Variants in TACC1 observed in about 807,000 individuals in gnomAD.
TACC1 encodes transforming acidic coiled-coil-containing protein 1.
TACC1 carries 48 observed loss-of-function variants against 84.4 expected under a neutral mutation model. That is an observed-to-expected ratio of 0.57 (90% CI 0.45 to 0.72). The LOEUF (loss-of-function observed/expected upper bound fraction) is 0.72. TACC1 is among the 30% of genes least tolerant of loss of function. The pLI is 0.00. For synonymous variants in TACC1, 372 were observed against 376.3 expected, an observed-to-expected ratio of 0.99 and a Z score of 0.13; for missense variants, 920 against 973.0, an observed-to-expected ratio of 0.95 and a Z score of 0.72.
At chr8:38,823,980 G>T in intron 3 of TACC1, 3 of 1,351,460 alleles carry the variant, frequency 2.2e-6, no homozygotes, top group Non-Finnish European at 2.9e-6. Context: ...TAATTTTGTT[G>T]GTGCATCAGG....
chr8:38,833,879 T>C (rs577860290), intron 6 of TACC1, among the ~76,000 whole-genome samples: 7 of 152,320 alleles, frequency 4.6e-5, no homozygotes, highest in African/African-American at 1.7e-4. Context: ...CCATGAAATG[T>C]TGTTAATTTA....
At chr8:38,735,831 T>G (rs1283744072) in intron 1 of TACC1, among the ~76,000 whole-genome samples, 1 of 152,176 alleles carries the variant, frequency 6.6e-6, no homozygotes, top group Non-Finnish European at 1.5e-5. Context: ...TGGCTTTGTT[T>G]GTTAGCATAA....
At chr8:38,781,631 T>C (rs1816013171) in intron 3 of TACC1, among the ~76,000 whole-genome samples, 1 of 152,172 alleles carries the variant, frequency 6.6e-6, no homozygotes, top group African/African-American at 2.4e-5. Context: ...TCCACCTGCC[T>C]CGGCCTCCCA....
intron 2 of TACC1, among the ~76,000 whole-genome samples, chr8:38,809,773 A>G (rs1183849459): frequency 6.6e-6 from 1 of 152,178 alleles, no homozygotes; most frequent in Non-Finnish European, 1.5e-5. Flanking sequence ...TGGGACCTAC[A>G]GAAGGAGGGG....
rs542967639 is a variant in TACC1, at chr8:38,737,709, G to C, written c.-674-4642G>C. Among the ~76,000 whole-genome samples, 3 of 151,888 alleles carry C rather than the reference G, an allele frequency of 2.0e-5. No homozygotes were observed. The East Asian group carries it at 5.8e-4, about 29-fold the overall frequency. On this transcript the variant is annotated intron_variant, in intron 1 of 14. Transcript: ENST00000518415. ...CTGTCCAGATCCCATCTAGACAATAGAGCTCAGATTGGGAGCCATTCTTTT... is the reference window on the plus strand; with the variant it reads ...CTGTCCAGATCCCATCTAGACAATACAGCTCAGATTGGGAGCCATTCTTTT...
In TACC1 at chr8:38,819,527, CAAG is replaced by C; in HGVS notation, c.287_289del (p.Glu96del). On this transcript the variant is annotated inframe_deletion, in exon 3 of 13. Transcript: ENST00000317827. Reference sequence around the variant, plus strand: ...GTTTTTGTGTTTCATTTTAGAATCACAAGAAGCTGATGAACAGCTTGTAGCAGA... The same window carrying C: ...GTTTTTGTGTTTCATTTTAGAATCACAAGCTGATGAACAGCTTGTAGCAGA... 1.9e-6 allele frequency: 3 copies of C among 1,600,566 alleles called. No individual in the cohort carries two copies. Among genetic ancestry groups the C allele is most frequent in the Non-Finnish European group, 2.6e-6 (3 of 1,171,436 alleles).
At position 38,849,946 on chromosome 8, in the gene TACC1, G is replaced by A. The variant is rs891222371; in HGVS notation, c.*1923G>A. The A allele has an allele frequency of 2.6e-5, 4 of 152,562 alleles. No individual in the cohort carries two copies. Among genetic ancestry groups the A allele is most frequent in the Non-Finnish European group, 4.4e-5 (3 of 67,998 alleles). The allele number at this position is 152,562 out of a possible 1,614,324, so 9.5% of individuals were successfully genotyped here. A position where few individuals can be genotyped will look rare whatever the true frequency, so the allele number is the denominator to read the frequency against. On this transcript the variant is annotated 3_prime_UTR_variant, in exon 13 of 13. Transcript: ENST00000317827. ...GCTAAATAAGTTAATTTTGCATTTT[G>A]CAGAAAGAAACATTGATTGCTAAAT...
upstream of TACC1, among the ~76,000 whole-genome samples, chr8:38,783,401 C>T (rs1361414288): frequency 6.6e-6 from 1 of 151,590 alleles, no homozygotes; most frequent in African/African-American, 2.4e-5. Flanking sequence ...TGTTAATCTT[C>T]CTGGAACTCT....
At chr8:38,833,719 T>G (rs766314003) in intron 6 of TACC1, among the ~76,000 whole-genome samples, 2 of 152,238 alleles carry the variant, frequency 1.3e-5, no homozygotes, top group Non-Finnish European at 2.9e-5. Context: ...TAATGGATGT[T>G]GATGTTTTCC....
intron 2 of TACC1, chr8:38,799,668 A>T (rs1820889161): frequency 6.6e-6 from 1 of 152,238 alleles, no homozygotes; most frequent in Non-Finnish European, 1.5e-5. Context: ...TAACTCTAGG[A>T]TGTTTCATAT....
At chr8:38,837,513 A>G (rs1830464279) in intron 7 of TACC1, among the ~76,000 whole-genome samples, 1 of 152,078 alleles carries the variant, frequency 6.6e-6, no homozygotes, top group African/African-American at 2.4e-5. Flanking sequence ...GCAGCCTCGA[A>G]CTCCTAGGGT....
intron 3 of TACC1, among the ~76,000 whole-genome samples, chr8:38,753,153 G>A (rs903240616): frequency 3.9e-5 from 6 of 152,168 alleles, no homozygotes; most frequent in Non-Finnish European, 7.4e-5. Flanking sequence ...AGGCTGCAGT[G>A]CAGTGGTGTG....
intron 3 of TACC1, among the ~76,000 whole-genome samples, chr8:38,759,484 A>G (rs975531570): frequency 1.3e-5 from 2 of 152,238 alleles, no homozygotes; most frequent in African/African-American, 2.4e-5. Flanking sequence ...AGGGTGTTAA[A>G]TTATCCAGTG....
intron 2 of TACC1, among the ~76,000 whole-genome samples, chr8:38,808,184 T>C (rs541251263): frequency 4.6e-4 from 70 of 152,316 alleles, no homozygotes; most frequent in African/African-American, 1.6e-3. Flanking sequence ...AGCCTTTCAG[T>C]GCCCTGGAAG....
intron 2 of TACC1, among the ~76,000 whole-genome samples, chr8:38,795,386 C>A (rs1262403706): frequency 6.6e-6 from 1 of 152,208 alleles, no homozygotes; most frequent in Non-Finnish European, 1.5e-5. Context: ...TTTGGGCTTA[C>A]CCAAGCATCG....
At chr8:38,795,605 A>T (rs1273025216) in intron 2 of TACC1, among the ~76,000 whole-genome samples, 1 of 152,242 alleles carries the variant, frequency 6.6e-6, no homozygotes, top group Non-Finnish European at 1.5e-5. Context: ...TATACTGCCC[A>T]GAGGAAATCT....
chr8:38,781,262 T>C (rs534171256), intron 3 of TACC1, among the ~76,000 whole-genome samples: 4 of 152,248 alleles, frequency 2.6e-5, no homozygotes, highest in South Asian at 2.1e-4. Flanking sequence ...TCTCAAAACA[T>C]TTGGGCTATA....
chr8:38,739,647 G>A (rs186534234), intron 1 of TACC1, among the ~76,000 whole-genome samples: 26 of 152,290 alleles, frequency 1.7e-4, no homozygotes, highest in Non-Finnish European at 4.4e-5. Context: ...ATTTGCATAC[G>A]TAAAGGTTCA....
At chr8:38,800,532 T>C (rs1821106949) in intron 2 of TACC1, among the ~76,000 whole-genome samples, 1 of 152,232 alleles carries the variant, frequency 6.6e-6, no homozygotes, top group Non-Finnish European at 1.5e-5. Context: ...CTTGTATGAC[T>C]GAATCAGTTC....
Sources: gnomAD v4.1 joint callset for allele counts (sites outside exome capture counted in the v4.1 genomes callset) on GRCh38, gnomAD v4.1.1 for gene constraint, MANE v1.5 for transcripts, NCBI Gene and HGNC (gene_info 2026-07-23, HGNC 2026-07-21) for gene names.